Variants in CHST11 observed in about 807,000 individuals in gnomAD.
CHST11 encodes C4S-1.
A neutral mutation model predicts 30.4 loss-of-function variants in CHST11; 9 were observed. The ratio of observed to expected loss-of-function variants is 0.30; its 90% CI spans 0.18 to 0.52. The LOEUF is 0.52. CHST11 is among the 20% of genes least tolerant of loss of function. The probability of loss-of-function intolerance (pLI) is 0.97; values close to 1 mark genes in which losing one functional copy is unlikely to be tolerated. For missense variants in CHST11, 348 were observed against 460.6 expected (o/e 0.76, Z 2.24); for synonymous variants, 152 against 187.8 (o/e 0.81, Z 1.56).
At chr12:104,595,174 T>A (rs1283545352) in intron 1 of CHST11, among the ~76,000 whole-genome samples, 3 of 152,110 alleles carry the variant, frequency 2.0e-5, no homozygotes, top group African/African-American at 7.2e-5. Flanking sequence ...CTGTGGCCCA[T>A]GCCCCACTGA....
chr12:104,631,229 G>T (rs1337844276), intron 2 of CHST11, among the ~76,000 whole-genome samples: 1 of 152,182 alleles, frequency 6.6e-6, no homozygotes, highest in Non-Finnish European at 1.5e-5. Flanking sequence ...TCTTTCTTTG[G>T]AAGGGACTCG....
intron 1 of CHST11, among the ~76,000 whole-genome samples, chr12:104,480,205 C>A (rs2037606389): frequency 6.6e-6 from 1 of 152,100 alleles, no homozygotes; most frequent in Admixed American, 6.5e-5. Context: ...TCCCCGCCCC[C>A]CCCTCCAAAT....
At chr12:104,620,646 G>T (rs1432129915) in intron 2 of CHST11, among the ~76,000 whole-genome samples, 2 of 152,134 alleles carry the variant, frequency 1.3e-5, no homozygotes, top group Non-Finnish European at 2.9e-5. Flanking sequence ...TTGTTTGTTT[G>T]TTTTTATTAC....
chr12:104,471,963 A>G (rs368993725), intron 1 of CHST11, among the ~76,000 whole-genome samples: 1 of 150,038 alleles, frequency 6.7e-6, no homozygotes, highest in Non-Finnish European at 1.5e-5. Flanking sequence ...ACCCTAATTT[A>G]AAAAAAAAAT....
At chr12:104,593,676 C>G (rs1029645639) in intron 1 of CHST11, among the ~76,000 whole-genome samples, 2 of 152,166 alleles carry the variant, frequency 1.3e-5, no homozygotes, top group Non-Finnish European at 2.9e-5. Context: ...GTTTGAATCC[C>G]AACTCTGACA....
At chr12:104,514,011 G>A in intron 1 of CHST11, 1 of 751,458 alleles carries the variant, frequency 1.3e-6, no homozygotes, top group South Asian at 1.4e-5. Flanking sequence ...CAGGGCAGTG[G>A]GAGTGCAGAC....
intron 1 of CHST11, among the ~76,000 whole-genome samples, chr12:104,570,135 G>C (rs313316): frequency 0.37 from 55,532 of 151,814 alleles, 10,658 homozygotes; most frequent in African/African-American, 0.48. Context: ...GGGAGGATCT[G>C]TATTAAACCA....
rs369302733 is a variant in CHST11 at position 104,583,576 on chromosome 12, C to A, written c.119-18330C>A. ...GGGCCTCCCCTATTCATTTTCAGAT[C>A]GATTCTGACACCTGCTTTTATCTCC... On this transcript the variant is annotated intron_variant, in intron 1 of 2. Coordinates refer to ENST00000303694, the MANE Select transcript of CHST11 (RefSeq NM_018413.6). Among the ~76,000 whole-genome samples the A allele has an allele frequency of 5.9e-5, 9 of 152,302 alleles. No homozygotes were observed. The East Asian group carries it at 1.5e-3, about 26-fold the overall frequency.
intron 2 of CHST11, among the ~76,000 whole-genome samples, chr12:104,719,342 G>A (rs1257307972): frequency 6.6e-6 from 1 of 152,212 alleles, no homozygotes; most frequent in South Asian, 2.1e-4. Context: ...TGGCTTACAA[G>A]TAGGAAATCA....
chr12:104,577,210 T>C (rs1009697332), intron 1 of CHST11, among the ~76,000 whole-genome samples: 2 of 150,486 alleles, frequency 1.3e-5, no homozygotes, highest in African/African-American at 4.9e-5. Flanking sequence ...GTATGATTCG[T>C]GTATCTGAGG....
At chr12:104,630,129 C>T (rs1034806373) in intron 2 of CHST11, among the ~76,000 whole-genome samples, 3 of 152,166 alleles carry the variant, frequency 2.0e-5, no homozygotes, top group Admixed American at 6.6e-5. Flanking sequence ...CAAATCCCTT[C>T]GCCCTTGCTG....
At chr12:104,513,123 T>TTGGGGGGGGGG (rs1555229063) in intron 1 of CHST11, among the ~76,000 whole-genome samples, 1 of 3,384 alleles carries the variant, frequency 3.0e-4, no homozygotes, top group African/African-American at 1.5e-3. Flanking sequence ...ATGTCATGAC[T>TTGGGGGGGGGG]GGGGGGGGGG....
At chr12:104,700,862 G>C (rs2039986006) in intron 2 of CHST11, among the ~76,000 whole-genome samples, 2 of 152,130 alleles carry the variant, frequency 1.3e-5, no homozygotes, top group African/African-American at 4.8e-5. Context: ...TATAATCCCA[G>C]CACTTTGGGA....
chr12:104,671,076 G>A (rs977365108), intron 2 of CHST11, among the ~76,000 whole-genome samples: 37 of 152,222 alleles, frequency 2.4e-4, no homozygotes, highest in African/African-American at 8.2e-4. Context: ...CACCAGATTG[G>A]AATACTGGAG....
Position 104,562,588 on chromosome 12 carries a change from C to T in CHST11, c.119-39318C>T, listed in dbSNP as rs146411325. ...GTTTAGTGTGTTTAGAATTCAGCAC[C>T]CATTTCTCAATGATATCAAAATCAT... On this transcript the variant is annotated intron_variant, in intron 1 of 2. Coordinates refer to ENST00000303694, the MANE Select transcript of CHST11 (RefSeq NM_018413.6). 2.0e-5 allele frequency among the ~76,000 whole-genome samples: 3 copies of T among 152,250 alleles called. No individual in the cohort carries two copies. In the East Asian group the frequency reaches 5.8e-4, roughly 29 times the overall value.
At chr12:104,463,412 A>G (rs1231532454) in intron 1 of CHST11, among the ~76,000 whole-genome samples, 1 of 152,152 alleles carries the variant, frequency 6.6e-6, no homozygotes, top group East Asian at 1.9e-4. Context: ...AATTTGATGC[A>G]TCTTAGATCC....
intron 2 of CHST11, among the ~76,000 whole-genome samples, chr12:104,700,822 A>G (rs1466115517): frequency 6.6e-6 from 1 of 152,156 alleles, no homozygotes; most frequent in African/African-American, 2.4e-5. Context: ...CAAAAAAGGA[A>G]AAGTTGGGCT....
chr12:104,670,292 T>C (rs1329085610), intron 2 of CHST11, among the ~76,000 whole-genome samples: 1 of 152,086 alleles, frequency 6.6e-6, no homozygotes. Flanking sequence ...ACCAAGGGGC[T>C]TCCCCACCAC....
At chr12:104,644,454 T>C (rs535490020) in intron 2 of CHST11, among the ~76,000 whole-genome samples, 16 of 152,346 alleles carry the variant, frequency 1.1e-4, no homozygotes, top group African/African-American at 3.8e-4. Context: ...TGGCCAATCC[T>C]CTTTCTTCAA....
Sources: gnomAD v4.1 joint callset for allele counts (sites outside exome capture counted in the v4.1 genomes callset) on GRCh38, gnomAD v4.1.1 for gene constraint, MANE v1.5 for transcripts, NCBI Gene and HGNC (gene_info 2026-07-23, HGNC 2026-07-21) for gene names.